BBS9: variants seen among roughly 807,000 people sequenced by gnomAD.
BBS9 encodes Bardet-Biedl syndrome 9, also known as protein PTHB1.
In BBS9, 89 loss-of-function variants were observed where a neutral mutation model predicts 117.7. The observed-to-expected ratio is 0.76, with a 90% confidence interval of 0.64 to 0.90. The LOEUF is 0.90. Ranked by LOEUF, BBS9 falls within the 40% of genes least tolerant of loss-of-function variation. The probability of loss-of-function intolerance (pLI) is 0.00; values close to 1 mark genes in which losing one functional copy is unlikely to be tolerated. For synonymous variants in BBS9, 379 were observed against 370.9 expected (o/e 1.02, Z -0.25); for missense variants, 982 against 1,042.2 (o/e 0.94, Z 0.80).
At chr7:33,459,724 C>T (rs913114325) in intron 19 of BBS9, among the ~76,000 whole-genome samples, 25 of 152,080 alleles carry the variant, frequency 1.6e-4, no homozygotes, top group Admixed American at 5.2e-4. Context: ...TCCAAGGAGC[C>T]CTGGTCTTTT....
chr7:33,499,939 A>T (rs1313313828), intron 19 of BBS9, among the ~76,000 whole-genome samples: 1 of 152,236 alleles, frequency 6.6e-6, no homozygotes, highest in Non-Finnish European at 1.5e-5. Context: ...AAAATAAATG[A>T]ATCATCCCCT....
chr7:33,229,348 CTAATTT>C (rs60881347), intron 5 of BBS9, among the ~76,000 whole-genome samples: 107,834 of 151,728 alleles, frequency 0.71, 38,570 homozygotes, highest in Admixed American at 0.79. Flanking sequence ...TTGTATACTT[CTAATTT>C]CTAATTGTGT....
chr7:33,210,540 T>C (rs1787808442), intron 5 of BBS9, among the ~76,000 whole-genome samples: 1 of 152,174 alleles, frequency 6.6e-6, no homozygotes, highest in Non-Finnish European at 1.5e-5. Flanking sequence ...TAGTGATATG[T>C]ATTTTTTTCT....
intron 20 of BBS9, among the ~76,000 whole-genome samples, chr7:33,512,948 G>A (rs1847189661): frequency 6.6e-6 from 1 of 151,786 alleles, no homozygotes; most frequent in South Asian, 2.1e-4. Flanking sequence ...CTGCATTGGT[G>A]TGCCCCTCAC....
chr7:33,375,396 T>C (rs1823659319), intron 17 of BBS9, among the ~76,000 whole-genome samples: 2 of 152,108 alleles, frequency 1.3e-5, no homozygotes, highest in Non-Finnish European at 1.5e-5. Flanking sequence ...CCATGAAATA[T>C]AAACTCTGGA....
chr7:33,597,288 A>G (rs1863010980), intron 21 of BBS9, among the ~76,000 whole-genome samples: 1 of 152,168 alleles, frequency 6.6e-6, no homozygotes, highest in Non-Finnish European at 1.5e-5. Flanking sequence ...AATCTTGATC[A>G]AAAGAAAAAT....
chr7:33,539,556 G>T (rs1333481014), intron 21 of BBS9, among the ~76,000 whole-genome samples: 1 of 152,166 alleles, frequency 6.6e-6, no homozygotes, highest in Non-Finnish European at 1.5e-5. Context: ...TGACAATAGT[G>T]CATACTCAAC....
At chr7:33,270,177 C>T (rs1446409279) in intron 7 of BBS9, among the ~76,000 whole-genome samples, 1 of 152,040 alleles carries the variant, frequency 6.6e-6, no homozygotes, top group African/African-American at 2.4e-5. Context: ...AAGCTTCAGC[C>T]CTCTGAAAAC....
At chr7:33,292,070 G>GTGAA (rs530210917) in intron 9 of BBS9, among the ~76,000 whole-genome samples, 9 of 152,090 alleles carry the variant, frequency 5.9e-5, no homozygotes, top group Middle Eastern at 3.2e-3. Flanking sequence ...TGTTGGTTGA[G>GTGAA]TGAATGAATG....
chr7:33,160,843 C>A (rs945340252), intron 4 of BBS9, among the ~76,000 whole-genome samples: 1 of 152,168 alleles, frequency 6.6e-6, no homozygotes, highest in African/African-American at 2.4e-5. Context: ...CCTCAGTCAG[C>A]AGACTGTGAA....
In BBS9 at chr7:33,336,446, T is replaced by A. The variant is rs372905559; in HGVS notation, c.1022T>A (p.Leu341Ter). 3 of 1,612,910 alleles carry A rather than the reference T, an allele frequency of 1.9e-6. No homozygotes were observed. Among genetic ancestry groups the A allele is most frequent in the Non-Finnish European group, 2.5e-6 (3 of 1,179,154 alleles). Reference protein sequence around the residue: ...VAVRVGCLHDLKGVIVTLSDD... With the variant: ...VAVRVGCLHD ...TTTTCTCTTCCTTATTGTAGTGATT[T>A]AAAGGGAGTGATAGTCACTCTGAGT... Residue 341 changes from leucine to a stop codon, truncating the protein, a stop_gained, in exon 10 of 23, where the codon TTA (leucine) becomes TAA (stop). Transcript: ENST00000242067. LOFTEE classifies it high-confidence loss of function.
At chr7:33,515,366 G>A (rs1302648135) in intron 20 of BBS9, among the ~76,000 whole-genome samples, 1 of 147,186 alleles carries the variant, frequency 6.8e-6, no homozygotes. Flanking sequence ...GCTCATCGCT[G>A]TGTTTTTCCA....
chr7:33,217,992 C>T (rs532631951), intron 5 of BBS9, among the ~76,000 whole-genome samples: 124 of 152,186 alleles, frequency 8.1e-4, no homozygotes, highest in Middle Eastern at 3.4e-3. Context: ...AGGATGAAAA[C>T]ATTAAATTGT....
intron 20 of BBS9, among the ~76,000 whole-genome samples, chr7:33,519,934 C>A (rs1350779796): frequency 6.6e-6 from 1 of 152,060 alleles, no homozygotes; most frequent in Non-Finnish European, 1.5e-5. Context: ...AGTTATAATA[C>A]CCACTCATAG....
chr7:33,248,858 C>A (rs535401359), intron 5 of BBS9, among the ~76,000 whole-genome samples: 1 of 152,224 alleles, frequency 6.6e-6, no homozygotes, highest in East Asian at 1.9e-4. Flanking sequence ...ACTACCTATA[C>A]AGCTGTTTTT....
chr7:33,243,034 G>C, intron 5 of BBS9: 1 of 516,610 alleles, frequency 1.9e-6, no homozygotes, highest in South Asian at 1.4e-5. Context: ...CCAAGTTATA[G>C]AATAGTTGGA....
At chr7:33,320,201 T>G (rs1404865817) in intron 9 of BBS9, among the ~76,000 whole-genome samples, 1 of 152,142 alleles carries the variant, frequency 6.6e-6, no homozygotes, top group East Asian at 1.9e-4. Context: ...TATTCATTCT[T>G]CCTATCTATA....
chr7:33,284,501 T>C (rs1802512761), intron 9 of BBS9, among the ~76,000 whole-genome samples: 1 of 152,180 alleles, frequency 6.6e-6, no homozygotes, highest in African/African-American at 2.4e-5. Context: ...CTTGCCACCA[T>C]ATATCTGTAT....
chr7:33,348,371 C>G (rs1817989942), intron 12 of BBS9, among the ~76,000 whole-genome samples: 1 of 152,026 alleles, frequency 6.6e-6, no homozygotes, highest in Non-Finnish European at 1.5e-5. Context: ...TAGAAAATTG[C>G]TAATGGTTTT....
Sources: allele counts gnomAD v4.1 joint callset (sites outside exome capture counted in the v4.1 genomes callset), GRCh38; gene constraint gnomAD v4.1.1; transcripts MANE v1.5; gene names NCBI Gene and HGNC (gene_info 2026-07-23, HGNC 2026-07-21).